The following KLF8 variants were observed in gnomAD, a reference collection of about 807,000 sequenced individuals.
KLF8 encodes the protein KLF transcription factor 8.
In KLF8, 10 loss-of-function variants were observed where a neutral mutation model predicts 18.2. That is an observed-to-expected ratio of 0.55 (90% CI 0.34 to 0.93). The LOEUF is 0.93. Among genes scored for constraint, KLF8 ranks in the 40% least tolerant of loss-of-function variants. KLF8 has a pLI of 0.02. For synonymous variants in KLF8, 109 were observed against 97.3 expected (o/e 1.12, Z -0.71); for missense variants, 264 against 277.9 (o/e 0.95, Z 0.36).
chrX:56,154,955 A>G, the KLF8 span, among the ~76,000 whole-genome samples: 1 of 112,067 alleles, frequency 8.9e-6, no homozygotes, highest in Non-Finnish European at 1.9e-5. Context: ...TCAGGAAACA[A>G]CAGGTGCTGG....
the KLF8 span, among the ~76,000 whole-genome samples, chrX:56,186,809 A>G: frequency 8.9e-6 from 1 of 112,312 alleles, no homozygotes; most frequent in Non-Finnish European, 1.9e-5. Flanking sequence ...TCAGAAGTAA[A>G]GATGTTCTTT....
At chrX:56,181,788 CT>C in the KLF8 span, among the ~76,000 whole-genome samples, 365 of 71,251 alleles carry the variant, frequency 5.1e-3, 1 homozygote, top group Middle Eastern at 7.2e-3. Flanking sequence ...TTGAATATTG[CT>C]CCCCCCCCTT....
the KLF8 span, among the ~76,000 whole-genome samples, chrX:56,077,574 G>A: frequency 3.6e-5 from 4 of 111,910 alleles, no homozygotes; most frequent in Non-Finnish European, 5.6e-5. Flanking sequence ...GTCAGGTAGC[G>A]TGATGCCTCC....
At chrX:56,196,424 T>A in the KLF8 span, among the ~76,000 whole-genome samples, 1 of 109,594 alleles carries the variant, frequency 9.1e-6, no homozygotes, top group Non-Finnish European at 1.9e-5. Context: ...AAAATAAAAA[T>A]AAATAAAATA....
At chrX:56,065,906 C>T in the KLF8 span, among the ~76,000 whole-genome samples, 1 of 111,510 alleles carries the variant, frequency 9.0e-6, no homozygotes, top group Non-Finnish European at 1.9e-5. Context: ...GCCAAGTATG[C>T]CTGTCTTCAG....
chrX:56,172,440 A>AT, the KLF8 span, among the ~76,000 whole-genome samples: 1 of 111,174 alleles, frequency 9.0e-6, no homozygotes, highest in Non-Finnish European at 1.9e-5. Flanking sequence ...ATGAACTCAC[A>AT]TTTTTTATGG....
At chrX:56,038,444 A>T in the KLF8 span, among the ~76,000 whole-genome samples, 1 of 111,700 alleles carries the variant, frequency 9.0e-6, no homozygotes, top group Admixed American at 9.5e-5. Flanking sequence ...CATCATTCAG[A>T]CCACATTTAT....
chrX:56,133,689 A>T, the KLF8 span, among the ~76,000 whole-genome samples: 1 of 111,830 alleles, frequency 8.9e-6, no homozygotes, highest in Admixed American at 9.5e-5. Flanking sequence ...AGAAAGAAAT[A>T]AAAGGAATCC....
the KLF8 span, among the ~76,000 whole-genome samples, chrX:56,208,167 C>T: frequency 9.0e-6 from 1 of 111,540 alleles, no homozygotes; most frequent in Admixed American, 9.5e-5. Flanking sequence ...TGAGTGAAGA[C>T]ACAGCTAAAC....
At chrX:56,011,630 G>A in the KLF8 span, among the ~76,000 whole-genome samples, 4 of 110,871 alleles carry the variant, frequency 3.6e-5, no homozygotes, top group African/African-American at 1.3e-4. Context: ...GAAGGAAATA[G>A]AGACATGAAA....
At chrX:56,190,303 C>T in the KLF8 span, among the ~76,000 whole-genome samples, 981 of 110,466 alleles carry the variant, frequency 8.9e-3, 6 homozygotes, top group Admixed American at 0.015. Context: ...ATATATGAGT[C>T]CAACACTGGA....
At chrX:56,063,098 T>A in the KLF8 span, among the ~76,000 whole-genome samples, 1 of 111,251 alleles carries the variant, frequency 9.0e-6, no homozygotes, top group Admixed American at 9.6e-5. Flanking sequence ...CTTTTTTGCA[T>A]TGAGTTAGAA....
chrX:56,170,359 A>G, the KLF8 span, among the ~76,000 whole-genome samples: 1 of 111,320 alleles, frequency 9.0e-6, no homozygotes, highest in Non-Finnish European at 1.9e-5. Context: ...CCAGGGACCA[A>G]TGCTGGAGAA....
At chrX:56,000,825 C>T in the KLF8 span, among the ~76,000 whole-genome samples, 1 of 110,577 alleles carries the variant, frequency 9.0e-6, no homozygotes, top group African/African-American at 3.3e-5. Flanking sequence ...TGTTCTATCT[C>T]AATTGACACC....
the KLF8 span, among the ~76,000 whole-genome samples, chrX:56,013,894 C>G: frequency 9.0e-6 from 1 of 111,624 alleles, no homozygotes; most frequent in Non-Finnish European, 1.9e-5. Flanking sequence ...ATACTATTCC[C>G]TATTTAATAA....
At chrX:56,172,513 C>T in the KLF8 span, among the ~76,000 whole-genome samples, 1 of 111,800 alleles carries the variant, frequency 8.9e-6, no homozygotes, top group Non-Finnish European at 1.9e-5. Flanking sequence ...CATTGTTAGA[C>T]ATTTGGGTTG....
the KLF8 span, among the ~76,000 whole-genome samples, chrX:56,007,032 C>A: frequency 8.9e-6 from 1 of 112,213 alleles, no homozygotes; most frequent in Non-Finnish European, 1.9e-5. Flanking sequence ...GGCTTCCTTG[C>A]TGCTAGTGGT....
the KLF8 span, among the ~76,000 whole-genome samples, chrX:55,949,646 C>A: frequency 5.5e-5 from 6 of 108,976 alleles, no homozygotes; most frequent in Admixed American, 2.0e-4. Flanking sequence ...CAAAAATTAG[C>A]TGGGCATGGT....
At chrX:56,076,183 A>G in the KLF8 span, among the ~76,000 whole-genome samples, 1 of 108,603 alleles carries the variant, frequency 9.2e-6, no homozygotes, top group Non-Finnish European at 1.9e-5. Context: ...GTACATGTGT[A>G]CAATGTGCAG....
Sources: gnomAD v4.1 joint callset for allele counts (sites outside exome capture counted in the v4.1 genomes callset) on GRCh38, gnomAD v4.1.1 for gene constraint, MANE v1.5 for transcripts, NCBI Gene and HGNC (gene_info 2026-07-23, HGNC 2026-07-21) for gene names.